IQCK: variants seen among roughly 807,000 people sequenced by gnomAD.
IQCK encodes the protein IQ motif containing K, also known as IQ domain-containing protein K.
IQCK carries 29 observed loss-of-function variants against 28.1 expected under a neutral mutation model. The ratio of observed to expected loss-of-function variants is 1.03; its 90% confidence interval spans 0.77 to 1.41. The LOEUF is 1.41. Among genes scored for constraint, IQCK ranks in the 40% most tolerant of loss-of-function variants. The pLI is 0.00. For synonymous variants in IQCK, 113 were observed against 115.1 expected, an observed-to-expected ratio of 0.98 and a Z score of 0.12; for missense variants, 359 against 314.7, an observed-to-expected ratio of 1.14 and a Z score of -1.07.
intron 7 of IQCK, chr16:19,789,306 GA>G (rs1206745716): frequency 1.5e-5 from 1 of 66,822 alleles, no homozygotes; most frequent in Non-Finnish European, 2.5e-5. Flanking sequence ...CTGCTGTTGG[GA>G]GGCGGAGGTG....
chr16:19,724,684 A>G (rs1977600520), intron 1 of IQCK, among the ~76,000 whole-genome samples: 1 of 151,976 alleles, frequency 6.6e-6, no homozygotes, highest in African/African-American at 2.4e-5. Flanking sequence ...GCCCGCCACC[A>G]CACCCGGCTA....
rs575913914 is a variant in IQCK, at chr16:19,816,856, A to G, written c.691-10170A>G. ...TAATGACACTGGTTTAGCACTTTGC[A>G]TGTATTATCTCAGCTTATTTTCACA... On this transcript the variant is annotated intron_variant, in intron 7 of 7. Coordinates refer to ENST00000564186, the Ensembl canonical transcript of IQCK. 2.6e-5 allele frequency among the ~76,000 whole-genome samples: 4 copies of G among 152,342 alleles called. No individual in the cohort carries two copies. In the South Asian group the frequency reaches 8.3e-4, roughly 32 times the overall value.
At chr16:19,772,461 A>G (rs1179955174) in intron 6 of IQCK, among the ~76,000 whole-genome samples, 1 of 152,182 alleles carries the variant, frequency 6.6e-6, no homozygotes, top group Non-Finnish European at 1.5e-5. Flanking sequence ...AAAAATTATT[A>G]TTTAAGATAT....
intron 4 of IQCK, among the ~76,000 whole-genome samples, chr16:19,762,242 T>TGGAC (rs1213548760): frequency 6.6e-6 from 1 of 152,086 alleles, no homozygotes; most frequent in African/African-American, 2.4e-5. Flanking sequence ...AAGTGGAGAG[T>TGGAC]GGACCGTGGG....
chr16:19,741,479 G>C (rs2054833602), intron 4 of IQCK, among the ~76,000 whole-genome samples: 1 of 152,096 alleles, frequency 6.6e-6, no homozygotes, highest in African/African-American at 2.4e-5. Context: ...AAAATGCTTT[G>C]AAAGAACCAG....
intron 7 of IQCK, among the ~76,000 whole-genome samples, chr16:19,803,076 T>C (rs1390378416): frequency 2.0e-5 from 3 of 152,228 alleles, no homozygotes; most frequent in Non-Finnish European, 4.4e-5. Flanking sequence ...CTTGTTCAAC[T>C]GGTCACAGTG....
rs561275219 is a variant in IQCK at position 19,762,941 on chromosome 16, G to A, written c.475-907G>A. On this transcript the variant is annotated intron_variant, in intron 4 of 7. Coordinates refer to ENST00000564186, the Ensembl canonical transcript of IQCK. ...CGAGGTGGAAGGATCACTTGAGCTCGGGAGGCAGAAGTTGCAGTGAGCTGA... is the reference window on the plus strand; with the variant it reads ...CGAGGTGGAAGGATCACTTGAGCTCAGGAGGCAGAAGTTGCAGTGAGCTGA... Among the ~76,000 whole-genome samples the A allele has an allele frequency of 3.3e-5, 5 of 152,190 alleles. No homozygotes were observed. In the South Asian group the frequency reaches 6.2e-4, roughly 19 times the overall value.
At chr16:19,776,088 C>T (rs1597548321) in intron 6 of IQCK, among the ~76,000 whole-genome samples, 1 of 151,826 alleles carries the variant, frequency 6.6e-6, no homozygotes, top group Non-Finnish European at 1.5e-5. Flanking sequence ...ACTATGTTAG[C>T]GAGACTGGTC....
intron 7 of IQCK, among the ~76,000 whole-genome samples, chr16:19,808,505 G>T (rs1440301244): frequency 6.6e-6 from 1 of 152,132 alleles, no homozygotes; most frequent in African/African-American, 2.4e-5. Context: ...ATGTGACCTT[G>T]TATGAGTATT....
intron 7 of IQCK, among the ~76,000 whole-genome samples, chr16:19,826,268 A>G (rs997853377): frequency 6.6e-6 from 1 of 152,140 alleles, no homozygotes; most frequent in Non-Finnish European, 1.5e-5. Context: ...TTGGCCTCTC[A>G]TAGTACTGGG....
At chr16:19,725,397 G>C (rs1332195519) in intron 1 of IQCK, among the ~76,000 whole-genome samples, 2 of 152,050 alleles carry the variant, frequency 1.3e-5, no homozygotes, top group Non-Finnish European at 2.9e-5. Context: ...GGGTTTCACT[G>C]TGTTGCCCAG....
chr16:19,818,880 T>C (rs2056025743), intron 7 of IQCK, among the ~76,000 whole-genome samples: 1 of 152,194 alleles, frequency 6.6e-6, no homozygotes, highest in African/African-American at 2.4e-5. Flanking sequence ...GGAACGACTT[T>C]ATTTTTCTTG....
chr16:19,748,901 A>G (rs1393096256), intron 4 of IQCK, among the ~76,000 whole-genome samples: 1 of 152,216 alleles, frequency 6.6e-6, no homozygotes, highest in Non-Finnish European at 1.5e-5. Context: ...GAAAAAAACA[A>G]AACAAAACAA....
chr16:19,857,646 C>T (rs1468825814), exon 10 of IQCK: 1 of 282,546 alleles, frequency 3.5e-6, no homozygotes, highest in African/African-American at 2.3e-5. Context: ...TGCTCCCTTT[C>T]AACTTGGGGT....
At chr16:19,838,477 G>C (rs2056324215) in intron 9 of IQCK, among the ~76,000 whole-genome samples, 1 of 152,156 alleles carries the variant, frequency 6.6e-6, no homozygotes, top group South Asian at 2.1e-4. Flanking sequence ...ATTTGAACCT[G>C]TCACACCCAG....
chr16:19,782,799 C>T (rs1049052408), intron 6 of IQCK, among the ~76,000 whole-genome samples: 11 of 152,136 alleles, frequency 7.2e-5, no homozygotes, highest in African/African-American at 2.4e-4. Context: ...AGACTAACGT[C>T]TCAGATTTTC....
At chr16:19,832,323 G>A (rs2056242516) in intron 9 of IQCK, among the ~76,000 whole-genome samples, 1 of 151,752 alleles carries the variant, frequency 6.6e-6, no homozygotes, top group African/African-American at 2.4e-5. Context: ...CTTTATATAT[G>A]CACAAATAAT....
At chr16:19,736,059 C>T (rs1978003901) in intron 4 of IQCK, 1 of 454,142 alleles carries the variant, frequency 2.2e-6, no homozygotes, top group Non-Finnish European at 4.4e-6. Context: ...GCAAGACCCT[C>T]AACTCAAAAA....
At chr16:19,817,159 G>A (rs756804204) in intron 7 of IQCK, among the ~76,000 whole-genome samples, 8 of 152,020 alleles carry the variant, frequency 5.3e-5, no homozygotes, top group South Asian at 2.1e-4. Flanking sequence ...TTATGTTCCC[G>A]TCTTGAAGGA....
Sources: gnomAD v4.1 joint callset for allele counts (sites outside exome capture counted in the v4.1 genomes callset) on GRCh38, gnomAD v4.1.1 for gene constraint, MANE v1.5 for transcripts, NCBI Gene and HGNC (gene_info 2026-07-23, HGNC 2026-07-21) for gene names.